ADAMTS3: variants seen among roughly 807,000 people sequenced by gnomAD.
ADAMTS3 encodes the protein ADAM metallopeptidase with thrombospondin type 1 motif 3.
ADAMTS3 carries 73 observed loss-of-function variants against 129.0 expected under a neutral mutation model. The ratio of observed to expected loss-of-function variants is 0.57; its 90% CI spans 0.47 to 0.69. ADAMTS3 has a LOEUF of 0.69. Among genes scored for constraint, ADAMTS3 ranks in the 30% least tolerant of loss-of-function variants. The pLI, the probability that ADAMTS3 is intolerant of heterozygous loss-of-function variation, is 0.00. For synonymous variants in ADAMTS3, 477 were observed against 510.8 expected, an observed-to-expected ratio of 0.93 and a Z score of 0.89; for missense variants, 1,457 against 1,514.5, an observed-to-expected ratio of 0.96 and a Z score of 0.63.
At chr4:72,482,588 A>G (rs1008752642) in intron 3 of ADAMTS3, among the ~76,000 whole-genome samples, 3 of 152,160 alleles carry the variant, frequency 2.0e-5, no homozygotes, top group Admixed American at 6.5e-5. Context: ...ACACATCTGT[A>G]TATTAACTGT....
At chr4:72,501,714 T>C (rs1720029750) in intron 3 of ADAMTS3, among the ~76,000 whole-genome samples, 1 of 152,324 alleles carries the variant, frequency 6.6e-6, no homozygotes, top group Non-Finnish European at 1.5e-5. Context: ...TTCCAGTTCT[T>C]GACTGCTTAG....
At chr4:72,305,832 G>A (rs547223487) in intron 16 of ADAMTS3, among the ~76,000 whole-genome samples, 155 bp downstream of exon 16, 4 of 151,818 alleles carry the variant, frequency 2.6e-5, no homozygotes, top group Admixed American at 6.6e-5. Context: ...GCACATATAC[G>A]TATGCACATG....
At chr4:72,350,607 C>T (rs533683526) in intron 4 of ADAMTS3, among the ~76,000 whole-genome samples, 17 of 152,020 alleles carry the variant, frequency 1.1e-4, no homozygotes, top group East Asian at 7.8e-4. Context: ...TTGTTCCTTT[C>T]GGGTCTTGCT....
At chr4:72,520,024 T>C (rs903426229) in intron 3 of ADAMTS3, among the ~76,000 whole-genome samples, 2 of 152,162 alleles carry the variant, frequency 1.3e-5, no homozygotes, top group African/African-American at 4.8e-5. Flanking sequence ...TTGGTGTGGA[T>C]GTCCTTTCTG....
At position 72,568,981 on chromosome 4, in the gene ADAMTS3, C is replaced by A. The variant is rs748565909; in HGVS notation, c.-219G>T. ...AGTTTTTTCCACTTCACCTTCTCACCCCGTCCTCCCAACACAGAGTGTGCA... is the reference window on the plus strand; with the variant it reads ...AGTTTTTTCCACTTCACCTTCTCACACCGTCCTCCCAACACAGAGTGTGCA... On this transcript the variant is annotated 5_prime_UTR_variant, in exon 1 of 22. Coordinates refer to ENST00000286657, the MANE Select transcript of ADAMTS3 (RefSeq NM_014243.3). 1 of 600,506 alleles carries A rather than the reference C, an allele frequency of 1.7e-6. No homozygotes were observed. Among genetic ancestry groups the A allele is most frequent in the Non-Finnish European group, 3.0e-6 (1 of 336,420 alleles). 37.2% of individuals were successfully genotyped at this position (600,506 alleles called of 1,614,324 possible). A position where few individuals can be genotyped will look rare whatever the true frequency, so the allele number is the denominator to read the frequency against.
At position 72,291,072 on chromosome 4, in the gene ADAMTS3, C is replaced by G; in HGVS notation, c.2724-10G>C. The stretch of plus-strand genomic sequence containing the variant: ...TTCTTCTGCTACCCAGCTGTGGGTG[C>G]GGGGATTTAATATTGCAATTATCAC... On this transcript the variant is annotated splice_polypyrimidine_tract_variant and intron_variant, in intron 19 of 21. Coordinates refer to ENST00000286657, the MANE Select transcript of ADAMTS3 (RefSeq NM_014243.3). 6.2e-7 allele frequency: 1 copy of G among 1,613,480 alleles called. No individual in the cohort carries two copies. The highest frequency in any genetic ancestry group is 8.5e-7 in the Non-Finnish European group (1 of 1,179,702).
chr4:72,487,603 C>A (rs1035517631), intron 3 of ADAMTS3, among the ~76,000 whole-genome samples: 15 of 152,226 alleles, frequency 9.9e-5, no homozygotes, highest in Admixed American at 6.5e-4. Context: ...AGTCTTATAT[C>A]GGTTAGTGAC....
intron 3 of ADAMTS3, among the ~76,000 whole-genome samples, chr4:72,526,122 C>T (rs1164578153): frequency 6.6e-6 from 1 of 152,180 alleles, no homozygotes; most frequent in Admixed American, 6.5e-5. Context: ...AATTCACTAA[C>T]CCCTTCCCTG....
At chr4:72,337,371 ATACTTAC>A (rs1424983127) in intron 5 of ADAMTS3, among the ~76,000 whole-genome samples, 4 of 152,168 alleles carry the variant, frequency 2.6e-5, no homozygotes, top group African/African-American at 9.7e-5. Flanking sequence ...TCTCAAAATC[ATACTTAC>A]TACTTACTGT....
At chr4:72,514,711 T>A (rs573623168) in intron 3 of ADAMTS3, among the ~76,000 whole-genome samples, 3 of 152,164 alleles carry the variant, frequency 2.0e-5, no homozygotes, top group Non-Finnish European at 2.9e-5. Context: ...ACATTTAACA[T>A]AGCTTCTTAC....
At chr4:72,464,992 A>G (rs1718881064) in intron 3 of ADAMTS3, among the ~76,000 whole-genome samples, 1 of 152,140 alleles carries the variant, frequency 6.6e-6, no homozygotes, top group Middle Eastern at 3.4e-3. Flanking sequence ...AGGTGTTGGA[A>G]ATGTAATGGT....
At chr4:72,395,841 C>T (rs1721712541) in intron 4 of ADAMTS3, among the ~76,000 whole-genome samples, 2 of 152,154 alleles carry the variant, frequency 1.3e-5, no homozygotes, top group Admixed American at 1.3e-4. Context: ...TGCATATACA[C>T]ACGCATGTGC....
intron 17 of ADAMTS3, among the ~76,000 whole-genome samples, chr4:72,301,236 T>A (rs1018359213): frequency 3.3e-5 from 5 of 149,952 alleles, no homozygotes; most frequent in South Asian, 4.3e-4. Flanking sequence ...CAAAAAAAAA[T>A]TTCATAACAC....
At chr4:72,522,643 A>C (rs1183046243) in intron 3 of ADAMTS3, among the ~76,000 whole-genome samples, 1 of 152,202 alleles carries the variant, frequency 6.6e-6, no homozygotes, top group Non-Finnish European at 1.5e-5. Context: ...GACTATGCTT[A>C]CCATCAAGTG....
At chr4:72,359,211 C>G (rs1720658131) in intron 4 of ADAMTS3, among the ~76,000 whole-genome samples, 1 of 151,992 alleles carries the variant, frequency 6.6e-6, no homozygotes, top group Non-Finnish European at 1.5e-5. Flanking sequence ...AGACAAGTAA[C>G]TTCCTAAATA....
At chr4:72,567,230 GAGA>G (rs1452628469) in intron 2 of ADAMTS3, 141 bp downstream of exon 2, 2 of 806,922 alleles carry the variant, frequency 2.5e-6, no homozygotes, top group East Asian at 2.7e-5. Context: ...GAAAGAGGAA[GAGA>G]AGAACAGAAA....
chr4:72,448,238 C>G (rs1474124336), intron 3 of ADAMTS3, among the ~76,000 whole-genome samples: 1 of 151,738 alleles, frequency 6.6e-6, no homozygotes, highest in Non-Finnish European at 1.5e-5. Flanking sequence ...CTCGACCTCC[C>G]CTCTATCACA....
intron 4 of ADAMTS3, among the ~76,000 whole-genome samples, chr4:72,374,358 C>T (rs1245998759): frequency 6.6e-6 from 1 of 151,800 alleles, no homozygotes; most frequent in African/African-American, 2.4e-5. Context: ...TCACCCAAGC[C>T]AAGACTTATT....
chr4:72,324,790 G>C (rs2109813675), intron 5 of ADAMTS3, among the ~76,000 whole-genome samples: 1 of 152,250 alleles, frequency 6.6e-6, no homozygotes, highest in South Asian at 2.1e-4. Flanking sequence ...TGACAGAGGT[G>C]CTTGACAAAA....
Sources: gnomAD v4.1 joint callset for allele counts (sites outside exome capture counted in the v4.1 genomes callset) on GRCh38, gnomAD v4.1.1 for gene constraint, MANE v1.5 for transcripts, NCBI Gene and HGNC (gene_info 2026-07-23, HGNC 2026-07-21) for gene names.